Variants in NKAIN2 observed in about 807,000 individuals in gnomAD.
NKAIN2 encodes sodium/potassium transporting ATPase interacting 2.
Under a neutral mutation model 32.6 loss-of-function variants are expected in NKAIN2, and 14 were observed. The ratio of observed to expected loss-of-function variants is 0.43; its 90% CI spans 0.28 to 0.67. NKAIN2 has a LOEUF of 0.67. Among genes scored for constraint, NKAIN2 ranks in the 30% least tolerant of loss-of-function variants. The probability of loss-of-function intolerance (pLI) is 0.17; values close to 1 mark genes in which losing one functional copy is unlikely to be tolerated. For synonymous variants in NKAIN2, 80 were observed against 87.2 expected (o/e 0.92, Z 0.46); for missense variants, 198 against 258.3 (o/e 0.77, Z 1.60).
chr6:123,828,971 T>C (rs952628136), intron 1 of NKAIN2: 2 of 152,180 alleles, frequency 1.3e-5, no homozygotes, highest in East Asian at 1.9e-4. Flanking sequence ...CTCCAAACTA[T>C]GCCTGGCATT....
intron 3 of NKAIN2, among the ~76,000 whole-genome samples, chr6:124,373,959 G>A (rs1455387148): frequency 6.6e-6 from 1 of 152,050 alleles, no homozygotes; most frequent in Non-Finnish European, 1.5e-5. Context: ...GTCCAGGGAG[G>A]TTTGTTCATT....
chr6:124,214,653 A>T (rs1290438809), intron 1 of NKAIN2, among the ~76,000 whole-genome samples: 1 of 152,158 alleles, frequency 6.6e-6, no homozygotes, highest in Non-Finnish European at 1.5e-5. Flanking sequence ...ATGAGCCAGG[A>T]TCATGCCACT....
chr6:124,159,714 G>C (rs895645508), intron 1 of NKAIN2, among the ~76,000 whole-genome samples: 1 of 152,116 alleles, frequency 6.6e-6, no homozygotes, highest in African/African-American at 2.4e-5. Flanking sequence ...TCAAAAAGGA[G>C]GAACTAGGAA....
chr6:124,143,859 G>C (rs1329928482), intron 1 of NKAIN2, among the ~76,000 whole-genome samples: 1 of 152,114 alleles, frequency 6.6e-6, no homozygotes, highest in African/African-American at 2.4e-5. Context: ...GTATAAAACT[G>C]TTAATGGTTT....
At chr6:123,977,069 C>T (rs919544013) in intron 1 of NKAIN2, among the ~76,000 whole-genome samples, 30 of 152,162 alleles carry the variant, frequency 2.0e-4, no homozygotes, top group African/African-American at 7.0e-4. Flanking sequence ...GCCTTTTGGG[C>T]TCAGGTGATC....
At chr6:124,599,481 G>T (rs1019358231) in intron 3 of NKAIN2, among the ~76,000 whole-genome samples, 4 of 152,084 alleles carry the variant, frequency 2.6e-5, no homozygotes, top group Non-Finnish European at 4.4e-5. Context: ...TGCTGAAAAA[G>T]AGCACACCGT....
At chr6:124,144,805 T>C (rs1582731741) in intron 1 of NKAIN2, among the ~76,000 whole-genome samples, 1 of 152,050 alleles carries the variant, frequency 6.6e-6, no homozygotes, top group Non-Finnish European at 1.5e-5. Flanking sequence ...AAAAGTTTGC[T>C]CTGCAAAAGT....
At chr6:124,213,533 C>T (rs910411767) in intron 1 of NKAIN2, among the ~76,000 whole-genome samples, 2 of 151,572 alleles carry the variant, frequency 1.3e-5, no homozygotes, top group Non-Finnish European at 2.9e-5. Context: ...TAAACATAGA[C>T]CAAGGGAAGA....
At chr6:124,347,020 G>A (rs1289811707) in intron 2 of NKAIN2, among the ~76,000 whole-genome samples, 1 of 152,030 alleles carries the variant, frequency 6.6e-6, no homozygotes, top group African/African-American at 2.4e-5. Context: ...GCTCTTTTAG[G>A]GCAGGCCTGG....
At chr6:124,450,983 C>T (rs1776083408) in intron 3 of NKAIN2, among the ~76,000 whole-genome samples, 1 of 152,014 alleles carries the variant, frequency 6.6e-6, no homozygotes, top group African/African-American at 2.4e-5. Flanking sequence ...TTTAACCCAG[C>T]TATGCAGTAA....
At chr6:124,034,762 T>C (rs960974370) in intron 1 of NKAIN2, among the ~76,000 whole-genome samples, 1 of 152,044 alleles carries the variant, frequency 6.6e-6, no homozygotes, top group African/African-American at 2.4e-5. Context: ...CCCATTTTTT[T>C]CACATCCTCA....
rs535160489 is a variant in NKAIN2, at chr6:123,973,936, C to T, written c.54+169682C>T. Among the ~76,000 whole-genome samples, 359 of 152,058 alleles carry T rather than the reference C, an allele frequency of 2.4e-3. 1 individual carries two copies. Among genetic ancestry groups the T allele is most frequent in the African/African-American group, 8.3e-3 (346 of 41,466 alleles). On this transcript the variant is annotated intron_variant, in intron 1 of 6. Transcript: ENST00000368417. ...CAAATTTAATGGAAGGAGAATTATC[C>T]TAATAATCGATTATGAAAGAAAAAT...
intron 3 of NKAIN2, among the ~76,000 whole-genome samples, chr6:124,394,115 G>A (rs1488431487): frequency 6.6e-6 from 1 of 151,896 alleles, no homozygotes; most frequent in Non-Finnish European, 1.5e-5. Flanking sequence ...ATATTTTAAG[G>A]CCATGTATTT....
chr6:124,239,345 A>C (rs1160519404), intron 1 of NKAIN2, among the ~76,000 whole-genome samples: 1 of 152,148 alleles, frequency 6.6e-6, no homozygotes, highest in Non-Finnish European at 1.5e-5. Context: ...ATGAGACAGG[A>C]AATTAACAGC....
intron 1 of NKAIN2, among the ~76,000 whole-genome samples, chr6:123,850,519 A>G (rs1255955714): frequency 6.6e-6 from 1 of 152,102 alleles, no homozygotes; most frequent in Non-Finnish European, 1.5e-5. Flanking sequence ...TGTGGGAACA[A>G]TTTTTATGTG....
chr6:124,328,217 T>C (rs1797498382), intron 2 of NKAIN2, among the ~76,000 whole-genome samples: 1 of 152,194 alleles, frequency 6.6e-6, no homozygotes, highest in African/African-American at 2.4e-5. Flanking sequence ...CAGATATTAT[T>C]AATATATTAC....
At chr6:124,174,387 TTTAAGG>T (rs2114514807) in intron 1 of NKAIN2, among the ~76,000 whole-genome samples, 1 of 152,242 alleles carries the variant, frequency 6.6e-6, no homozygotes, top group South Asian at 2.1e-4. Flanking sequence ...CACTTCTGGA[TTTAAGG>T]AAAACAAAGA....
At chr6:124,810,475 G>T (rs1463024998) in intron 5 of NKAIN2, among the ~76,000 whole-genome samples, 1 of 151,960 alleles carries the variant, frequency 6.6e-6, no homozygotes, top group Non-Finnish European at 1.5e-5. Context: ...ACACTCTGAG[G>T]ACTGTTGTGG....
chr6:124,197,271 C>G (rs1325532320), intron 1 of NKAIN2, among the ~76,000 whole-genome samples: 1 of 151,188 alleles, frequency 6.6e-6, no homozygotes, highest in African/African-American at 2.4e-5. Flanking sequence ...AATCTTTCTT[C>G]TTTTTTTTTC....
Sources: gnomAD v4.1 joint callset for allele counts (sites outside exome capture counted in the v4.1 genomes callset) on GRCh38, gnomAD v4.1.1 for gene constraint, MANE v1.5 for transcripts, NCBI Gene and HGNC (gene_info 2026-07-23, HGNC 2026-07-21) for gene names.